NAV3: variants seen among roughly 807,000 people sequenced by gnomAD.
The protein encoded by NAV3 is neuron navigator 3.
NAV3 carries 87 observed loss-of-function variants against 244.7 expected under a neutral mutation model. The ratio of observed to expected loss-of-function variants is 0.36; its 90% CI spans 0.30 to 0.42. NAV3 has a LOEUF of 0.42. Among genes scored for constraint, NAV3 ranks in the 20% least tolerant of loss-of-function variants. The probability of loss-of-function intolerance (pLI) is 1.00; values close to 1 mark genes in which losing one functional copy is unlikely to be tolerated. For synonymous variants in NAV3, 1,126 were observed against 1,042.2 expected (o/e 1.08, Z -1.55); for missense variants, 2,663 against 2,893.3 (o/e 0.92, Z 1.83).
chr12:77,994,730 C>T (rs1056326658), intron 5 of NAV3, 73 bp from the exon 6 acceptor site: 1 of 1,178,520 alleles, frequency 8.5e-7, no homozygotes, highest in East Asian at 2.4e-5. Context: ...TCATAGTTTT[C>T]TTGTAAGTTT....
chr12:77,648,125 AT>A (rs1390152117), intron 2 of NAV3, among the ~76,000 whole-genome samples: 2 of 152,146 alleles, frequency 1.3e-5, no homozygotes, highest in Non-Finnish European at 2.9e-5. Context: ...GCAAAATAAA[AT>A]TGAATATTTC....
rs748531378 is a variant in NAV3 at position 77,766,735 on chromosome 12, G to GTTTTTTTTTTTTTTTTTTTTT, written c.73-173568_73-173548dup. Reference sequence around the variant, plus strand: ...AGGATTCTAAAAAACAGGCAATTAAGTTTTTTTTTTTTTTTTTTTTTTTTT... The same window carrying GTTTTTTTTTTTTTTTTTTTTT: ...AGGATTCTAAAAAACAGGCAATTAAGTTTTTTTTTTTTTTTTTTTTTTTTTTTTTTTTTTTTTTTTTTTTTT... On this transcript the variant is annotated intron_variant, in intron 2 of 8. Transcript: ENST00000550042. Among the ~76,000 whole-genome samples, 9 of 60,512 alleles carry GTTTTTTTTTTTTTTTTTTTTT rather than the reference G, an allele frequency of 1.5e-4. 2 individuals are homozygous for GTTTTTTTTTTTTTTTTTTTTT. Among genetic ancestry groups the GTTTTTTTTTTTTTTTTTTTTT allele is most frequent in the Admixed American group, 9.7e-4 (4 of 4,124 alleles). The allele number at this position is 60,512 out of a possible 152,430, so 39.7% of individuals were successfully genotyped here.
At chr12:77,860,092 T>C (rs1008072860) in intron 1 of NAV3, among the ~76,000 whole-genome samples, 2 of 151,886 alleles carry the variant, frequency 1.3e-5, no homozygotes, top group East Asian at 3.9e-4. Context: ...GGGAAGAATA[T>C]TGTAAGTAGC....
At chr12:78,011,717 G>A (rs951408729) in intron 8 of NAV3, among the ~76,000 whole-genome samples, 1 of 152,160 alleles carries the variant, frequency 6.6e-6, no homozygotes, top group Non-Finnish European at 1.5e-5. Context: ...TTATATGAAT[G>A]AGAGACTATA....
intron 2 of NAV3, among the ~76,000 whole-genome samples, chr12:77,652,831 C>G (rs887798074): frequency 4.6e-5 from 7 of 152,218 alleles, no homozygotes; most frequent in Non-Finnish European, 1.0e-4. Context: ...ATCAAGCAAT[C>G]AGTGTTTGTC....
intron 7 of NAV3, among the ~76,000 whole-genome samples, chr12:78,005,324 T>C (rs1874012806): frequency 6.6e-6 from 1 of 152,220 alleles, no homozygotes; most frequent in East Asian, 1.9e-4. Context: ...TAAAAAATGT[T>C]AATATTGCAT....
At chr12:77,635,504 A>G (rs1411167096) in intron 2 of NAV3, among the ~76,000 whole-genome samples, 1 of 152,198 alleles carries the variant, frequency 6.6e-6, no homozygotes, top group Non-Finnish European at 1.5e-5. Context: ...GGTATATTCT[A>G]TGTTTTGTGT....
chr12:77,675,391 C>T (rs1026764303), intron 2 of NAV3, among the ~76,000 whole-genome samples: 4 of 152,164 alleles, frequency 2.6e-5, no homozygotes, highest in African/African-American at 4.8e-5. Flanking sequence ...TATTCAAAGG[C>T]AGAATTTCCT....
At chr12:77,717,130 AC>A (rs1565784474) in intron 2 of NAV3, among the ~76,000 whole-genome samples, 1 of 152,034 alleles carries the variant, frequency 6.6e-6, no homozygotes, top group Admixed American at 6.5e-5. Context: ...TGGGGTAAAA[AC>A]CATATAACAT....
In NAV3 at chr12:78,122,174, G is replaced by T. The variant is rs773932556; in HGVS notation, c.3984G>T (p.Ser1328=). The T allele has an allele frequency of 6.2e-7, 1 of 1,614,068 alleles. No homozygotes were observed. The highest frequency in any genetic ancestry group is 8.5e-7 in the Non-Finnish European group (1 of 1,180,004). ...CAGATGTTATAAGCTTAAGTCACTC[G>T]TTGGCCTCCAGCCCAGCATCGGTTC... The part of the protein sequence containing the change: ...LTTDVISLSH[S]LASSPASVHS... Residue 1328 remains serine (S), a synonymous_variant, in exon 16 of 40, where the codon TCG becomes TCT. Coordinates refer to ENST00000397909, the MANE Select transcript of NAV3 (RefSeq NM_001024383.2).
At chr12:78,053,644 G>C (rs1419643452) in intron 11 of NAV3, among the ~76,000 whole-genome samples, 1 of 152,042 alleles carries the variant, frequency 6.6e-6, no homozygotes, top group South Asian at 2.1e-4. Context: ...AAGTTTGGGG[G>C]CCACTTTAAA....
At position 78,185,491 on chromosome 12, in the gene NAV3, A is replaced by G. The variant is rs1319080135; in HGVS notation, c.5693-110A>G. 5.5e-6 allele frequency: 5 copies of G among 913,052 alleles called. No individual in the cohort carries two copies. In the African/African-American group the frequency reaches 8.4e-5, roughly 15 times the overall value. 56.6% of individuals were successfully genotyped at this position (913,052 alleles called of 1,614,324 possible). ...TTCAAATCAGTTAGGCTAGAATGGGAAGCAAATCCCATTGAAAGATATAAA... is the reference window on the plus strand; with the variant it reads ...TTCAAATCAGTTAGGCTAGAATGGGGAGCAAATCCCATTGAAAGATATAAA... On this transcript the variant is annotated intron_variant, in intron 30 of 39. Coordinates refer to ENST00000397909, the MANE Select transcript of NAV3 (RefSeq NM_001024383.2).
chr12:77,939,939 T>C lies in NAV3; in HGVS notation c.244-380T>C, dbSNP rs1419747607. On this transcript the variant is annotated intron_variant, in intron 1 of 39. Coordinates refer to ENST00000397909, the MANE Select transcript of NAV3 (RefSeq NM_001024383.2). ...ACAATTTTTTATAGTAATGTTTCTA[T>C]GTAAATCAGTCCAGGTGGGTTTCTT... Among the ~76,000 whole-genome samples the C allele has an allele frequency of 6.6e-5, 10 of 152,218 alleles. No individual in the cohort carries two copies. The East Asian group carries it at 1.7e-3, about 26-fold the overall frequency.
chr12:78,086,076 T>C (rs1402454759), intron 12 of NAV3, among the ~76,000 whole-genome samples: 1 of 152,098 alleles, frequency 6.6e-6, no homozygotes, highest in East Asian at 1.9e-4. Flanking sequence ...TCCAAGCTTG[T>C]ATCCTTTTCT....
chr12:77,575,499 G>T (rs1869038219), intron 2 of NAV3, among the ~76,000 whole-genome samples: 2 of 152,066 alleles, frequency 1.3e-5, no homozygotes, highest in Non-Finnish European at 2.9e-5. Context: ...GCCCATAATG[G>T]AGTGTTTTAT....
intron 1 of NAV3, among the ~76,000 whole-genome samples, chr12:77,867,605 A>G (rs35798764): frequency 0.15 from 22,708 of 151,902 alleles, 1,869 homozygotes; most frequent in Middle Eastern, 0.29. Context: ...CATTTTTACT[A>G]GAGACGGGGT....
chr12:77,786,553 A>G (rs1414579366), intron 2 of NAV3, among the ~76,000 whole-genome samples: 1 of 152,168 alleles, frequency 6.6e-6, no homozygotes, highest in Non-Finnish European at 1.5e-5. Context: ...CAGCATGTCA[A>G]CAGCCATGTT....
At position 78,205,122 on chromosome 12, in the gene NAV3, C is replaced by T. The variant is rs372354210; in HGVS notation, c.7022C>T (p.Thr2341Ile). ...TCAAAGCACATTCCGCAAACTGACA[C>T]AGAAGGAGATCCCCTGGTAAGAATC... ...TTSKHIPQTD[T>I]EGDPLMNMLM... Residue 2341 changes from threonine to isoleucine, a missense_variant, in exon 39 of 40, where the codon ACA (threonine) becomes ATA (isoleucine). By Grantham distance (89) the Thr-to-Ile change is moderately conservative. Transcript: ENST00000397909. 6.2e-6 allele frequency: 10 copies of T among 1,613,216 alleles called. No individual in the cohort carries two copies. The African/African-American group carries it at 1.3e-4, about 22-fold the overall frequency.
intron 36 of NAV3, among the ~76,000 whole-genome samples, 199 bp downstream of exon 36, chr12:78,198,875 G>A (rs1201170619): frequency 6.8e-6 from 1 of 146,798 alleles, no homozygotes; most frequent in African/African-American, 2.5e-5. Context: ...CCAACGTTTT[G>A]TGATCTTCAA....
Sources: gnomAD v4.1 joint callset for allele counts (sites outside exome capture counted in the v4.1 genomes callset) on GRCh38, gnomAD v4.1.1 for gene constraint, MANE v1.5 for transcripts, NCBI Gene and HGNC (gene_info 2026-07-23, HGNC 2026-07-21) for gene names.